AKR1E2: variants seen among roughly 807,000 people sequenced by gnomAD.
AKR1E2 encodes aldo-keto reductase family 1 member E2, also known as 1,5-anhydro-D-fructose reductase.
Under a neutral mutation model 41.9 loss-of-function variants are expected in AKR1E2, and 43 were observed. That is an observed-to-expected ratio of 1.03 (90% CI 0.80 to 1.32). The LOEUF is 1.32. Among genes scored for constraint, AKR1E2 ranks in the 40% most tolerant of loss-of-function variants. The probability of loss-of-function intolerance (pLI) is 0.00; values close to 1 mark genes in which losing one functional copy is unlikely to be tolerated. For synonymous variants in AKR1E2, 121 were observed against 138.9 expected (o/e 0.87, Z 0.91); for missense variants, 423 against 396.5 (o/e 1.07, Z -0.57).
intron 1 of AKR1E2, among the ~76,000 whole-genome samples, chr10:4,829,450 T>A (rs1359270875): frequency 2.0e-5 from 3 of 152,182 alleles, no homozygotes; most frequent in Non-Finnish European, 2.9e-5. Context: ...ACTTTTAATA[T>A]TTTTGTCTGA....
At chr10:4,835,922 TG>T (rs1432746677) in intron 4 of AKR1E2, 113 bp downstream of exon 4, 10 of 1,425,120 alleles carry the variant, frequency 7.0e-6, no homozygotes, top group Non-Finnish European at 9.4e-6. Context: ...ACCTGAGATG[TG>T]GGGTTTGTGG....
chr10:4,827,244 T>C (rs758416248), intron 1 of AKR1E2, among the ~76,000 whole-genome samples: 9 of 152,206 alleles, frequency 5.9e-5, no homozygotes, highest in Non-Finnish European at 1.3e-4. Context: ...TTGAGCCGTG[T>C]ATACAATTGC....
intron 1 of AKR1E2, among the ~76,000 whole-genome samples, chr10:4,829,058 C>T (rs12569839): frequency 0.035 from 5,303 of 152,148 alleles, 149 homozygotes; most frequent in East Asian, 0.11. Context: ...CTTAGTTGTT[C>T]AGGTGCTTCT....
chr10:4,845,658 G>A (rs1279387405), intron 8 of AKR1E2: 4 of 456,862 alleles, frequency 8.8e-6, no homozygotes, highest in Admixed American at 2.4e-5. Context: ...GGGCCACATC[G>A]CCCCAGTTCT....
the AKR1E2 span, among the ~76,000 whole-genome samples, chr10:4,866,463 T>G: frequency 0.6 from 90,641 of 151,980 alleles, 28,305 homozygotes; most frequent in East Asian, 0.74. Context: ...TTATCACAAA[T>G]GTAGCTGCCC....
At chr10:4,863,727 GAAGAA>G in the AKR1E2 span, among the ~76,000 whole-genome samples, 11 of 114,578 alleles carry the variant, frequency 9.6e-5, no homozygotes, top group African/African-American at 3.7e-4. Context: ...GACTAATAAA[GAAGAA>G]AAGAAAGAAG....
At chr10:4,859,606 G>T in the AKR1E2 span, among the ~76,000 whole-genome samples, 39,277 of 152,082 alleles carry the variant, frequency 0.26, 5,289 homozygotes, top group Middle Eastern at 0.37. Flanking sequence ...AATTCTGCCC[G>T]CACTTCTCAT....
the AKR1E2 span, among the ~76,000 whole-genome samples, chr10:4,867,309 G>T: frequency 1.3e-5 from 2 of 152,060 alleles, no homozygotes; most frequent in African/African-American, 4.8e-5. Context: ...TGCATTCCTT[G>T]GTGTCTGTGT....
intron 3 of AKR1E2, 38 bp downstream of exon 3, chr10:4,833,504 G>A (rs1833147105): frequency 3.2e-6 from 5 of 1,543,334 alleles, no homozygotes; most frequent in Non-Finnish European, 4.5e-6. Context: ...CAGTTTGCAG[G>A]ACCTTCCTCC....
chr10:4,826,243 C>T lies in AKR1E2; in HGVS notation c.-82C>T. 8 of 1,138,974 alleles carry T rather than the reference C, an allele frequency of 7.0e-6. No individual in the cohort carries two copies. Among genetic ancestry groups the T allele is most frequent in the Non-Finnish European group, 8.9e-6 (8 of 902,640 alleles). The allele number at this position is 1,138,974 out of a possible 1,614,324, so 70.6% of individuals were successfully genotyped here. The stretch of plus-strand genomic sequence containing the variant: ...CTTCCAGCCAGTCGCAACGGCGGGT[C>T]GCCAGCGCCGCAGTAGCTCGCGCGG... On this transcript the variant is annotated 5_prime_UTR_variant, in exon 1 of 10. Transcript: ENST00000298375.
intron 3 of AKR1E2, among the ~76,000 whole-genome samples, 175 bp downstream of exon 3, chr10:4,833,641 A>G (rs1833163167): frequency 1.3e-5 from 2 of 152,132 alleles, no homozygotes; most frequent in South Asian, 2.1e-4. Flanking sequence ...TCTGGGCCTC[A>G]GTTAAGGAGA....
At chr10:4,834,111 G>A (rs1588446323) in intron 3 of AKR1E2, among the ~76,000 whole-genome samples, 1 of 152,218 alleles carries the variant, frequency 6.6e-6, no homozygotes, top group South Asian at 2.1e-4. Flanking sequence ...GCCCTGGGCT[G>A]TGATGACAGC....
At chr10:4,854,813 G>A in the AKR1E2 span, among the ~76,000 whole-genome samples, 1 of 152,056 alleles carries the variant, frequency 6.6e-6, no homozygotes, top group East Asian at 1.9e-4. Flanking sequence ...AAAAGGCAAG[G>A]ACACTTGACT....
chr10:4,830,593 G>A (rs1289332268), intron 1 of AKR1E2, 82 bp from the exon 2 acceptor site: 5 of 1,518,538 alleles, frequency 3.3e-6, no homozygotes, highest in Non-Finnish European at 4.5e-6. Context: ...GTATTATGTT[G>A]TCCACATGCT....
At position 4,840,782 on chromosome 10, in the gene AKR1E2, T is replaced by G. The variant is rs142889039; in HGVS notation, c.680+956T>G. ...TTCTAATTTAAGGTTCAGTCCAGCA[T>G]CATCTTCTCCAGGAAGCCCTCCTGA... On this transcript the variant is annotated intron_variant, in intron 6 of 9. Transcript: ENST00000298375. Among the ~76,000 whole-genome samples, 45 of 152,334 alleles carry G rather than the reference T, an allele frequency of 3.0e-4. No homozygotes were observed. The East Asian group carries it at 8.7e-3, about 29-fold the overall frequency.
chr10:4,836,469 T>TA (rs1425758740), intron 4 of AKR1E2, among the ~76,000 whole-genome samples: 1 of 152,298 alleles, frequency 6.6e-6, no homozygotes, highest in South Asian at 2.1e-4. Context: ...CGTGTGGTCT[T>TA]ACAGTCTTGC....
At chr10:4,838,537 T>C (rs1833617719) in intron 5 of AKR1E2, among the ~76,000 whole-genome samples, 1 of 152,210 alleles carries the variant, frequency 6.6e-6, no homozygotes, top group South Asian at 2.1e-4. Flanking sequence ...AAAAAAGTTC[T>C]GTATGGAGTA....
chr10:4,861,886 T>C, the AKR1E2 span, among the ~76,000 whole-genome samples: 1 of 152,222 alleles, frequency 6.6e-6, no homozygotes, highest in East Asian at 1.9e-4. Context: ...AGGTTGCCTG[T>C]TCACTCTGAT....
chr10:4,866,608 C>T, the AKR1E2 span, among the ~76,000 whole-genome samples: 1 of 149,208 alleles, frequency 6.7e-6, no homozygotes, highest in African/African-American at 2.5e-5. Flanking sequence ...ATCAGTCTCT[C>T]GGAGCATTCA....
Sources: gnomAD v4.1 joint callset for allele counts (sites outside exome capture counted in the v4.1 genomes callset) on GRCh38, gnomAD v4.1.1 for gene constraint, MANE v1.5 for transcripts, NCBI Gene and HGNC (gene_info 2026-07-23, HGNC 2026-07-21) for gene names.